MED12L: variants seen among roughly 807,000 people sequenced by gnomAD.
MED12L encodes the protein mediator of RNA polymerase II transcription subunit 12-like protein.
In MED12L, 60 loss-of-function variants were observed where a neutral mutation model predicts 281.3. The observed-to-expected ratio is 0.21, with a 90% CI of 0.17 to 0.26. The LOEUF (loss-of-function observed/expected upper bound fraction) is 0.26, where lower values mean the gene tolerates loss of function less well. Ranked by LOEUF, MED12L falls within the 10% of genes least tolerant of loss-of-function variation. The probability of loss-of-function intolerance (pLI) is 1.00; values close to 1 mark genes in which losing one functional copy is unlikely to be tolerated. For missense variants in MED12L, 2,146 were observed against 2,680.9 expected (o/e 0.80, Z 4.41); for synonymous variants, 974 against 987.2 (o/e 0.99, Z 0.25).
chr3:151,284,316 G>T (rs536372972), intron 16 of MED12L, among the ~76,000 whole-genome samples: 1 of 151,586 alleles, frequency 6.6e-6, no homozygotes, highest in Non-Finnish European at 1.5e-5. Context: ...AGAATAAGCC[G>T]CACCTGACAT....
chr3:151,301,903 A>G (rs547057820), intron 16 of MED12L, among the ~76,000 whole-genome samples: 2 of 152,374 alleles, frequency 1.3e-5, no homozygotes, highest in African/African-American at 4.8e-5. Flanking sequence ...ACCTCTAGGT[A>G]TCTAGCCACA....
At chr3:151,194,412 C>T (rs899356544) in intron 16 of MED12L, among the ~76,000 whole-genome samples, 1 of 152,140 alleles carries the variant, frequency 6.6e-6, no homozygotes, top group Non-Finnish European at 1.5e-5. Context: ...ATAGGAAAGA[C>T]AGGAGACAAA....
chr3:151,378,992 G>A (rs890422831), intron 31 of MED12L, among the ~76,000 whole-genome samples: 3 of 152,182 alleles, frequency 2.0e-5, no homozygotes, highest in African/African-American at 7.2e-5. Flanking sequence ...ACACTTAAAG[G>A]TTACATGAGT....
intron 16 of MED12L, chr3:151,270,163 A>T (rs1437215361): frequency 9.9e-6 from 2 of 201,854 alleles, no homozygotes; most frequent in African/African-American, 5.0e-5. Context: ...CAACCTTTTT[A>T]AAAATTTTCT....
intron 16 of MED12L, among the ~76,000 whole-genome samples, chr3:151,347,034 G>A (rs139012720): frequency 1.9e-3 from 288 of 152,248 alleles, no homozygotes; most frequent in Admixed American, 2.5e-3. Flanking sequence ...GAAGTCCAGT[G>A]AGATGCACAT....
intron 44 of MED12L, among the ~76,000 whole-genome samples, chr3:151,431,392 T>C (rs1286462394): frequency 1.3e-5 from 2 of 152,130 alleles, no homozygotes; most frequent in Non-Finnish European, 2.9e-5. Context: ...GCTGTGTGAG[T>C]TGATTTTCTG....
At chr3:151,091,181 A>G (rs983622916) in intron 2 of MED12L, among the ~76,000 whole-genome samples, 1 of 152,220 alleles carries the variant, frequency 6.6e-6, no homozygotes, top group Non-Finnish European at 1.5e-5. Context: ...CAGGAGCTGT[A>G]GAGCCCCACC....
intron 16 of MED12L, chr3:151,269,441 A>ACACACACACACACACAC (rs1559962861): frequency 3.5e-5 from 8 of 231,354 alleles, no homozygotes; most frequent in East Asian, 1.3e-4. Context: ...ACACACACAC[A>ACACACACACACACACAC]AAATTCAGAG....
chr3:151,089,722 A>G (rs1719776170), intron 2 of MED12L, among the ~76,000 whole-genome samples: 1 of 151,944 alleles, frequency 6.6e-6, no homozygotes, highest in African/African-American at 2.4e-5. Context: ...TGCCTGATGG[A>G]TTGGTTATAT....
At chr3:151,185,937 A>C (rs7615523) in intron 12 of MED12L, among the ~76,000 whole-genome samples, 15,992 of 152,174 alleles carry the variant, frequency 0.11, 2,018 homozygotes, top group African/African-American at 0.3. Flanking sequence ...TGCGTACACA[A>C]AACATACACA....
chr3:151,343,454 A>G (rs1255981671), intron 16 of MED12L, among the ~76,000 whole-genome samples: 2 of 152,172 alleles, frequency 1.3e-5, no homozygotes, highest in East Asian at 1.9e-4. Context: ...CCTATTTACA[A>G]ACCACCTCTG....
chr3:151,157,600 C>T (rs1039773716), intron 6 of MED12L, among the ~76,000 whole-genome samples: 1 of 152,024 alleles, frequency 6.6e-6, no homozygotes, highest in Non-Finnish European at 1.5e-5. Context: ...CTTTATTGGT[C>T]TTAAAATTTT....
chr3:151,210,690 A>T (rs1344047305), intron 16 of MED12L, among the ~76,000 whole-genome samples: 2 of 152,242 alleles, frequency 1.3e-5, no homozygotes, highest in Non-Finnish European at 2.9e-5. Context: ...GTTACAGAGT[A>T]GCCATTAGCA....
chr3:151,288,450 T>G (rs1380310057), intron 16 of MED12L, among the ~76,000 whole-genome samples: 1 of 152,238 alleles, frequency 6.6e-6, no homozygotes, highest in African/African-American at 2.4e-5. Flanking sequence ...ATTATTTATT[T>G]TGGAGATCCA....
At chr3:151,256,713 G>C (rs964212621) in intron 16 of MED12L, among the ~76,000 whole-genome samples, 2 of 151,792 alleles carry the variant, frequency 1.3e-5, no homozygotes, top group Non-Finnish European at 2.9e-5. Context: ...AGTAAAGGCA[G>C]GAAACATTTA....
intron 16 of MED12L, among the ~76,000 whole-genome samples, chr3:151,289,269 C>T (rs1379634785): frequency 2.0e-5 from 3 of 152,136 alleles, no homozygotes; most frequent in African/African-American, 4.8e-5. Flanking sequence ...CAAGAAACTT[C>T]ACAATTAAGG....
At chr3:151,364,913 G>A (rs1173375757) in intron 21 of MED12L, 66 bp from the exon 22 acceptor site, 4 of 1,144,374 alleles carry the variant, frequency 3.5e-6, no homozygotes, top group Non-Finnish European at 5.3e-6. Flanking sequence ...ATGTCCTTAA[G>A]TGAAATAGTT....
At chr3:151,198,235 C>A (rs1388657549) in intron 16 of MED12L, 2 of 478,782 alleles carry the variant, frequency 4.2e-6, no homozygotes, top group African/African-American at 2.0e-5. Context: ...TAATGAGTAG[C>A]AGCAAGCCTA....
In MED12L at chr3:151,297,078, T is replaced by G. The variant is rs1745201926; in HGVS notation, c.2251-52981T>G. Among the ~76,000 whole-genome samples, 3 of 152,198 alleles carry G rather than the reference T, an allele frequency of 2.0e-5. No individual in the cohort carries two copies. The South Asian group carries it at 6.2e-4, about 32-fold the overall frequency. On this transcript the variant is annotated intron_variant, in intron 16 of 44. Transcript: ENST00000687756. ...TTTTTAAAAACTGGTTTCCCTGACC[T>G]AACTATCCTTACACAGGCTAGTAAT...
Sources: allele counts gnomAD v4.1 joint callset (sites outside exome capture counted in the v4.1 genomes callset), GRCh38; gene constraint gnomAD v4.1.1; transcripts MANE v1.5; gene names NCBI Gene and HGNC (gene_info 2026-07-23, HGNC 2026-07-21).